The following ABCA10 variants were observed in gnomAD, a reference collection of about 807,000 sequenced individuals.
The protein encoded by ABCA10 is ATP binding cassette subfamily A member 10.
ABCA10 carries 169 observed loss-of-function variants against 187.5 expected under a neutral mutation model. That is an observed-to-expected ratio of 0.90 (90% CI 0.80 to 1.02). ABCA10 has a LOEUF of 1.02. Ranked by LOEUF, ABCA10 falls within the 50% of genes least tolerant of loss-of-function variation. The probability of loss-of-function intolerance (pLI) is 0.00; values close to 1 mark genes in which losing one functional copy is unlikely to be tolerated. For synonymous variants in ABCA10, 574 were observed against 601.8 expected (o/e 0.95, Z 0.68); for missense variants, 1,727 against 1,812.4 (o/e 0.95, Z 0.86).
exon 1 of ABCA10, chr17:69,244,635 T>A (rs1432270772): frequency 6.6e-6 from 1 of 151,580 alleles, no homozygotes; most frequent in Non-Finnish European, 1.5e-5. Flanking sequence ...GTTAGCAAAT[T>A]AAAAATACAT....
rs774658121 is a variant in ABCA10 at position 69,152,402 on chromosome 17, C to A, written c.4216G>T (p.Val1406Leu). The A allele has an allele frequency of 6.2e-7, 1 of 1,614,090 alleles. No homozygotes were observed. Among genetic ancestry groups the A allele is most frequent in the Non-Finnish European group, 8.5e-7 (1 of 1,179,978 alleles). Residue 1406 changes from valine (V) to leucine (L), a missense_variant, in exon 35 of 39, where the codon GTG becomes TTG. Val to Leu is a conservative substitution (Grantham distance 32, BLOSUM62 1). Transcript: ENST00000690296. ...TTHYMSEAEAVCDRMAMMVSG... is the reference protein window; with the variant it reads ...TTHYMSEAEALCDRMAMMVSG... ...ACCATCATGGCCATACGGTCACACACAGCCTCAGCCTCTGACATGTAATGG... is the reference window on the plus strand; with the variant it reads ...ACCATCATGGCCATACGGTCACACAAAGCCTCAGCCTCTGACATGTAATGG...
At chr17:69,196,829 G>A (rs1390144973) in intron 11 of ABCA10, among the ~76,000 whole-genome samples, 3 of 152,170 alleles carry the variant, frequency 2.0e-5, no homozygotes, top group Admixed American at 1.3e-4. Flanking sequence ...CGGCCAACAC[G>A]GCAAAACCCC....
intron 1 of ABCA10, among the ~76,000 whole-genome samples, chr17:69,241,761 C>T (rs7216406): frequency 0.049 from 7,463 of 152,220 alleles, 613 homozygotes; most frequent in African/African-American, 0.17. Flanking sequence ...GGTAATTTGT[C>T]TTACTATAAT....
At chr17:69,201,925 G>A (rs1189197418) in intron 9 of ABCA10, among the ~76,000 whole-genome samples, 1 of 152,086 alleles carries the variant, frequency 6.6e-6, no homozygotes, top group African/African-American at 2.4e-5. Context: ...AGCTATTACA[G>A]GCACCTGCCA....
intron 1 of ABCA10, among the ~76,000 whole-genome samples, chr17:69,236,545 C>T (rs1050955854): frequency 1.3e-5 from 2 of 152,130 alleles, no homozygotes; most frequent in Admixed American, 6.5e-5. Context: ...TCTGAGTGAA[C>T]CAGAATCAAG....
chr17:69,182,589 T>C, intron 21 of ABCA10, 86 bp downstream of exon 21: 1 of 1,372,900 alleles, frequency 7.3e-7, no homozygotes, highest in Non-Finnish European at 9.5e-7. Context: ...AAAACATACT[T>C]AAGTTTCCTA....
At chr17:69,234,013 G>A in intron 1 of ABCA10, 1 of 152,786 alleles carries the variant, frequency 6.5e-6, no homozygotes, top group Non-Finnish European at 1.5e-5. Context: ...ATTGATTGTA[G>A]CAGGTGAGGC....
At chr17:69,195,571 T>TTA (rs1359058764) in intron 11 of ABCA10, among the ~76,000 whole-genome samples, 1 of 146,802 alleles carries the variant, frequency 6.8e-6, no homozygotes, top group East Asian at 2.0e-4. Context: ...TTTTTTTTTT[T>TTA]TAGTATTTAT....
At position 69,215,832 on chromosome 17, in the gene ABCA10, T is replaced by G. The variant is rs745996528; in HGVS notation, c.841A>C (p.Thr281Pro). 2 of 1,587,242 alleles carry G rather than the reference T, an allele frequency of 1.3e-6. No individual in the cohort carries two copies. The highest frequency in any genetic ancestry group is 2.4e-5 in the South Asian group (2 of 83,868). ...GTTCTTACCTGGGCCATTCCAGCAG[T>G]GAAGGCAAAAGGGCTAAGAAGACTT... ...VLSLLSPFAFTAGMAQITHLD... is the reference protein window; with the variant it reads ...VLSLLSPFAFPAGMAQITHLD... The change falls in exon 8 of 39, where the codon ACT becomes CCT. Residue 281 changes from threonine to proline, a missense_variant. Coordinates refer to ENST00000690296, the MANE Select transcript of ABCA10 (RefSeq NM_001377321.1).
At chr17:69,156,673 T>A (rs1376658739) in intron 28 of ABCA10, among the ~76,000 whole-genome samples, 159 bp downstream of exon 28, 1 of 152,058 alleles carries the variant, frequency 6.6e-6, no homozygotes, top group Non-Finnish European at 1.5e-5. Context: ...TTTAAGAAGA[T>A]TAAATATTTA....
At chr17:69,235,603 C>T (rs948335075) in intron 1 of ABCA10, among the ~76,000 whole-genome samples, 3 of 152,068 alleles carry the variant, frequency 2.0e-5, no homozygotes, top group Admixed American at 6.6e-5. Flanking sequence ...TACCCCACCC[C>T]TTTCTGGGAC....
Position 69,210,847 on chromosome 17 carries a change from C to CATATATATATATATAT in ABCA10, c.1006+3841_1006+3856dup, listed in dbSNP as rs57227408. ...ATATATATGCCACATATTTATGCCACATATATATATATATATATGCCATAT... is the reference window on the plus strand; with the variant it reads ...ATATATATGCCACATATTTATGCCACATATATATATATATATATATATATATATATATATGCCATAT... On this transcript the variant is annotated intron_variant, in intron 9 of 38. Transcript: ENST00000690296. 1.5e-3 allele frequency among the ~76,000 whole-genome samples: 57 copies of CATATATATATATATAT among 37,882 alleles called. 1 individual carries two copies. The highest frequency in any genetic ancestry group is 5.6e-3 in the South Asian group (5 of 888). The allele number at this position is 37,882 out of a possible 152,430, so 24.9% of individuals were successfully genotyped here. A position where few individuals can be genotyped will look rare whatever the true frequency, so the allele number is the denominator to read the frequency against.
chr17:69,193,403 C>T, intron 14 of ABCA10, 90 bp downstream of exon 14: 1 of 1,518,856 alleles, frequency 6.6e-7, no homozygotes. Flanking sequence ...TTTTCCCTCA[C>T]ATTTGGTAAT....
Position 69,156,926 on chromosome 17 carries a change from A to G in ABCA10, c.3364-3T>C. On this transcript the variant is annotated splice_polypyrimidine_tract_variant and splice_region_variant and intron_variant, in intron 27 of 38. Coordinates refer to ENST00000690296, the MANE Select transcript of ABCA10 (RefSeq NM_001377321.1). ...AAAATAACACTCTGAAGGTATGGCTAAAAGAAAAGAAAAATAATCAGAATT... is the reference window on the plus strand; with the variant it reads ...AAAATAACACTCTGAAGGTATGGCTGAAAGAAAAGAAAAATAATCAGAATT... 1 of 1,531,906 alleles carries G rather than the reference A, an allele frequency of 6.5e-7. No individual in the cohort carries two copies. Among genetic ancestry groups the G allele is most frequent in the East Asian group, 2.4e-5 (1 of 42,248 alleles). The allele number at this position is 1,531,906 out of a possible 1,614,324, so 94.9% of individuals were successfully genotyped here.
At chr17:69,210,860 ATATAT>A (rs2074641398) in intron 9 of ABCA10, among the ~76,000 whole-genome samples, 1 of 144,706 alleles carries the variant, frequency 6.9e-6, no homozygotes, top group African/African-American at 2.7e-5. Flanking sequence ...ATATATATAT[ATATAT>A]GCCATATTTC....
chr17:69,194,446 A>G lies in ABCA10; in HGVS notation c.1284T>C (p.His428=), dbSNP rs544585200. The change falls in exon 12 of 39, where the codon CAT becomes CAC. Residue 428 remains histidine (H), a synonymous_variant. Transcript: ENST00000690296. ...GCAGTGTTGATTTACCAGCTCCATT[A>G]TGCCCAAGTATTGCAGTGATCTGTC... ...YEGQITAILG[H]NGAGKSTLLN... 8.7e-6 allele frequency: 14 copies of G among 1,613,294 alleles called. No individual in the cohort carries two copies. In the Admixed American group the frequency reaches 1.7e-4, roughly 19 times the overall value.
chr17:69,175,576 G>A, intron 22 of ABCA10, 63 bp from the exon 23 acceptor site: 1 of 1,276,148 alleles, frequency 7.8e-7, no homozygotes, highest in Non-Finnish European at 1.1e-6. Context: ...AACATTATAA[G>A]ATACGTTTCC....
chr17:69,184,601 G>C (rs1692703119), intron 20 of ABCA10, among the ~76,000 whole-genome samples: 1 of 152,038 alleles, frequency 6.6e-6, no homozygotes, highest in African/African-American at 2.4e-5. Context: ...TTACACTGTT[G>C]GTGGGAATAT....
chr17:69,216,302 G>C lies in ABCA10; in HGVS notation c.587C>G (p.Ala196Gly). 6.2e-7 allele frequency: 1 copy of C among 1,613,340 alleles called. No individual in the cohort carries two copies. The highest frequency in any genetic ancestry group is 1.1e-5 in the South Asian group (1 of 91,004). The change falls in exon 7 of 39, where the codon GCT (alanine) becomes GGT (glycine). Residue 196 changes from alanine (A) to glycine (G), a missense_variant. Coordinates refer to ENST00000690296, the MANE Select transcript of ABCA10 (RefSeq NM_001377321.1). ...CFIFIMSIFM[A>G]LVITSIPIVF... is the part of the protein sequence containing the mutation. ...AATTGGGATTGATGTTATGACCAGA[G>C]CCATAAAAATGGACATAATGAAGAT...
Sources: allele counts gnomAD v4.1 joint callset (sites outside exome capture counted in the v4.1 genomes callset), GRCh38; gene constraint gnomAD v4.1.1; transcripts MANE v1.5; gene names NCBI Gene and HGNC (gene_info 2026-07-23, HGNC 2026-07-21).